Variants in TRAPPC9 observed in about 807,000 individuals in gnomAD.
TRAPPC9 encodes IKK2 binding protein.
In TRAPPC9, 83 loss-of-function variants were observed where a neutral mutation model predicts 124.0. The observed-to-expected ratio is 0.67, with a 90% CI of 0.56 to 0.80. The LOEUF (loss-of-function observed/expected upper bound fraction) is 0.80. TRAPPC9 is among the 30% of genes least tolerant of loss of function. TRAPPC9 has a pLI of 0.00. For synonymous variants in TRAPPC9, 638 were observed against 617.5 expected (o/e 1.03, Z -0.49); for missense variants, 1,302 against 1,508.3 (o/e 0.86, Z 2.27).
chr8:139,860,318 G>T (rs1021104867), intron 21 of TRAPPC9, among the ~76,000 whole-genome samples: 1 of 152,134 alleles, frequency 6.6e-6, no homozygotes, highest in Non-Finnish European at 1.5e-5. Flanking sequence ...AGTCCAAAAG[G>T]GGCTGTTACA....
chr8:139,789,916 C>T (rs1822537677), intron 21 of TRAPPC9, among the ~76,000 whole-genome samples: 1 of 152,164 alleles, frequency 6.6e-6, no homozygotes. Flanking sequence ...TGAAGGCGGG[C>T]CCTACCCACA....
In TRAPPC9 at chr8:140,451,323, G is replaced by T; in HGVS notation, c.51C>A (p.Leu17=). The T allele has an allele frequency of 6.2e-7, 1 of 1,607,194 alleles. No individual in the cohort carries two copies. The highest frequency in any genetic ancestry group is 1.1e-5 in the South Asian group (1 of 91,048). The change falls in exon 2 of 23, where the codon CTC becomes CTA. Residue 17 remains leucine, a synonymous_variant. Transcript: ENST00000438773. ...CGATGCCCACAGGCTGGACCACCAC[G>T]AGCAGCGTCTGGTGGTCCTCAGCAC... ...MQCAEDHQTL[L]VVVQPVGIVS...
At position 140,275,816 on chromosome 8, in the gene TRAPPC9, G is replaced by A; in HGVS notation, c.2120C>T (p.Ala707Val). The change falls in exon 15 of 23, where the codon GCA (alanine) becomes GTA (valine). Residue 707 changes from alanine to valine, a missense_variant. Physicochemically the swap from Ala to Val is moderately conservative, Grantham distance 64 (BLOSUM62 0). This residue lies in a region of TRAPPC9 where 640 missense variants were observed against 679.3 expected (regional missense o/e 0.94). Coordinates refer to ENST00000438773, the MANE Select transcript of TRAPPC9 (RefSeq NM_001160372.4). ...LQISTSLPRS[A>V]HSLQPSSGDE... is the part of the protein sequence containing the mutation. ...ACCAGAAGAAGGTTGCAATGAATGT[G>A]CAGATCTAAAATAAGAAGAAGAAAT... The A allele has an allele frequency of 1.2e-6, 2 of 1,611,524 alleles. No homozygotes were observed. The highest frequency in any genetic ancestry group is 1.7e-6 in the Non-Finnish European group (2 of 1,177,714).
chr8:140,188,028 G>A (rs143281921), intron 17 of TRAPPC9, among the ~76,000 whole-genome samples: 31 of 152,214 alleles, frequency 2.0e-4, no homozygotes, highest in African/African-American at 7.0e-4. Context: ...GGCTCATCTG[G>A]CTCTTCTCAT....
chr8:140,130,202 T>G (rs1489880481), intron 17 of TRAPPC9, among the ~76,000 whole-genome samples: 1 of 152,232 alleles, frequency 6.6e-6, no homozygotes, highest in Admixed American at 6.5e-5. Flanking sequence ...TGTGAATTCA[T>G]AGTGCTGTGA....
intron 17 of TRAPPC9, among the ~76,000 whole-genome samples, chr8:140,106,972 T>A (rs1036351245): frequency 6.6e-6 from 1 of 152,214 alleles, no homozygotes; most frequent in Non-Finnish European, 1.5e-5. Context: ...CTGTTCAAGA[T>A]AGGAGTTCGG....
intron 17 of TRAPPC9, among the ~76,000 whole-genome samples, chr8:140,093,038 A>G (rs1356313552): frequency 1.3e-5 from 2 of 152,000 alleles, no homozygotes; most frequent in Admixed American, 6.5e-5. Flanking sequence ...GAAAAAAAAA[A>G]AAAGCTTTCC....
At chr8:139,856,951 C>T (rs1487542677) in intron 21 of TRAPPC9, among the ~76,000 whole-genome samples, 4 of 152,142 alleles carry the variant, frequency 2.6e-5, no homozygotes, top group Non-Finnish European at 5.9e-5. Context: ...AGAGATGACT[C>T]GGGCACACAC....
chr8:140,006,781 AG>A (rs1838784831), intron 18 of TRAPPC9, among the ~76,000 whole-genome samples: 1 of 152,222 alleles, frequency 6.6e-6, no homozygotes, highest in South Asian at 2.1e-4. Flanking sequence ...CTAGAGAGAC[AG>A]AAGGTAGATT....
chr8:139,847,942 T>G (rs1827199237), intron 21 of TRAPPC9, among the ~76,000 whole-genome samples: 1 of 152,246 alleles, frequency 6.6e-6, no homozygotes, highest in Non-Finnish European at 1.5e-5. Flanking sequence ...CGCCTCTGCC[T>G]GTGCCCTGTG....
intron 17 of TRAPPC9, among the ~76,000 whole-genome samples, chr8:140,148,449 C>A (rs930115470): frequency 6.6e-6 from 1 of 152,160 alleles, no homozygotes; most frequent in African/African-American, 2.4e-5. Flanking sequence ...CATGGACTCA[C>A]TATATGCAAA....
At chr8:140,385,489 C>A (rs1054540223) in intron 7 of TRAPPC9, among the ~76,000 whole-genome samples, 11 of 152,190 alleles carry the variant, frequency 7.2e-5, no homozygotes, top group African/African-American at 2.6e-4. Flanking sequence ...GGGGATATCA[C>A]CACCAATCCC....
At chr8:140,027,607 A>C (rs75193822) in intron 17 of TRAPPC9, among the ~76,000 whole-genome samples, 35 of 152,328 alleles carry the variant, frequency 2.3e-4, no homozygotes, top group African/African-American at 7.9e-4. Context: ...TATAATTATG[A>C]GGGGAAATAT....
chr8:140,270,836 G>T (rs1489812702), intron 15 of TRAPPC9, among the ~76,000 whole-genome samples: 2 of 152,218 alleles, frequency 1.3e-5, no homozygotes, highest in East Asian at 1.9e-4. Flanking sequence ...CTGAAGAGGA[G>T]AGGTGGCCAT....
At chr8:139,941,867 C>T (rs1833941963) in intron 19 of TRAPPC9, among the ~76,000 whole-genome samples, 1 of 152,212 alleles carries the variant, frequency 6.6e-6, no homozygotes, top group African/African-American at 2.4e-5. Context: ...CTGCAAACTT[C>T]TTCCTAAGGC....
chr8:139,740,536 C>G (rs1818483858), intron 21 of TRAPPC9, among the ~76,000 whole-genome samples: 1 of 152,204 alleles, frequency 6.6e-6, no homozygotes, highest in South Asian at 2.1e-4. Context: ...CCACATCCTC[C>G]TAAGAGGTCA....
chr8:139,938,053 C>A (rs1833648504), intron 19 of TRAPPC9, among the ~76,000 whole-genome samples: 1 of 152,192 alleles, frequency 6.6e-6, no homozygotes, highest in Non-Finnish European at 1.5e-5. Flanking sequence ...GAAAATGCCA[C>A]AACCATTGAA....
At chr8:140,321,434 T>C (rs1436127438) in intron 9 of TRAPPC9, among the ~76,000 whole-genome samples, 1 of 152,206 alleles carries the variant, frequency 6.6e-6, no homozygotes, top group Non-Finnish European at 1.5e-5. Context: ...TGGCACCAGA[T>C]GGCCTTTGCG....
At chr8:139,735,914 G>A (rs1022795729) in intron 21 of TRAPPC9, among the ~76,000 whole-genome samples, 1 of 152,216 alleles carries the variant, frequency 6.6e-6, no homozygotes, top group Non-Finnish European at 1.5e-5. Context: ...TGGCACTTAG[G>A]TGTGAGGCCA....
Sources: allele counts gnomAD v4.1 joint callset (sites outside exome capture counted in the v4.1 genomes callset), GRCh38; gene constraint gnomAD v4.1.1; regional missense constraint gnomAD v4.1.1; transcripts MANE v1.5; gene names NCBI Gene and HGNC (gene_info 2026-07-23, HGNC 2026-07-21).